Variants in KLHL18 observed in about 807,000 individuals in gnomAD.
KLHL18 encodes the protein kelch-like protein 18.
Under a neutral mutation model 58.5 loss-of-function variants are expected in KLHL18, and 38 were observed. The ratio of observed to expected loss-of-function variants is 0.65; its 90% CI spans 0.50 to 0.85. The LOEUF is 0.85. KLHL18 is among the 40% of genes least tolerant of loss of function. The pLI is 0.00. For synonymous variants in KLHL18, 303 were observed against 301.9 expected (o/e 1.00, Z -0.04); for missense variants, 624 against 778.4 (o/e 0.80, Z 2.36).
chr3:47,309,581 C>T (rs1703242536), intron 1 of KLHL18, among the ~76,000 whole-genome samples: 1 of 152,242 alleles, frequency 6.6e-6, no homozygotes, highest in Non-Finnish European at 1.5e-5. Context: ...AGACGCTCCT[C>T]ACTTCCCAGA....
At chr3:47,315,518 G>T (rs1442488366) in intron 1 of KLHL18, among the ~76,000 whole-genome samples, 1 of 152,196 alleles carries the variant, frequency 6.6e-6, no homozygotes, top group South Asian at 2.1e-4. Context: ...CAGAATATCT[G>T]TAGGCCGACA....
chr3:47,319,706 G>T lies in KLHL18; in HGVS notation c.183G>T (p.Pro61=), dbSNP rs778874814. The change falls in exon 2 of 10, where the codon CCG becomes CCT. Residue 61 remains proline, a synonymous_variant. Transcript: ENST00000232766. ...GGATTGTCTTAGCAGCCTCGATCCC[G>T]TATTTCCATGCTATGTTTACAAATG... ...AHRIVLAASI[P]YFHAMFTNDM... 8 of 1,613,848 alleles carry T rather than the reference G, an allele frequency of 5.0e-6. No homozygotes were observed. Among genetic ancestry groups the T allele is most frequent in the Non-Finnish European group, 6.8e-6 (8 of 1,179,906 alleles).
intron 8 of KLHL18, 134 bp from the exon 9 acceptor site, chr3:47,342,581 TGTCA>T: frequency 1.5e-6 from 1 of 667,314 alleles, no homozygotes; most frequent in Non-Finnish European, 2.6e-6. Flanking sequence ...CAGGGAGAAC[TGTCA>T]GAGAGGTGGT....
chr3:47,342,811 G>C lies in KLHL18; in HGVS notation c.1319G>C (p.Gly440Ala). The part of the protein sequence containing the change: ...GRIYVSGGHD[G>A]LQIFSSVEHY... ...ATATATGTGTCAGGCGGCCATGATG[G>C]TTTGCAGATCTTCAGCAGTGTGAGT... Residue 440 changes from glycine to alanine, a missense_variant, in exon 9 of 10, where the codon GGT becomes GCT. Gly to Ala is a moderately conservative substitution (Grantham distance 60). Coordinates refer to ENST00000232766, the MANE Select transcript of KLHL18 (RefSeq NM_025010.5). 6.2e-7 allele frequency: 1 copy of C among 1,613,994 alleles called. No homozygotes were observed. Among genetic ancestry groups the C allele is most frequent in the Non-Finnish European group, 8.5e-7 (1 of 1,179,826 alleles).
At position 47,329,937 on chromosome 3, in the gene KLHL18, T is replaced by C. The variant is rs1023911685; in HGVS notation, c.402-14T>C. 2 of 1,612,046 alleles carry C rather than the reference T, an allele frequency of 1.2e-6. No individual in the cohort carries two copies. Among genetic ancestry groups the C allele is most frequent in the South Asian group, 2.2e-5 (2 of 90,930 alleles). ...TTCTTCCTCTAATTTTTTTTTTCTT[T>C]CCTTATGCCAAAGGCTTCACCCAAA... On this transcript the variant is annotated splice_polypyrimidine_tract_variant and intron_variant, in intron 3 of 9. Coordinates refer to ENST00000232766, the MANE Select transcript of KLHL18 (RefSeq NM_025010.5).
intron 1 of KLHL18, among the ~76,000 whole-genome samples, chr3:47,291,021 T>C (rs934535408): frequency 6.6e-6 from 1 of 152,144 alleles, no homozygotes; most frequent in Non-Finnish European, 1.5e-5. Flanking sequence ...ACATTCATCA[T>C]GTTCACCCTA....
intron 1 of KLHL18, among the ~76,000 whole-genome samples, chr3:47,290,939 G>T (rs1027083461): frequency 1.3e-5 from 2 of 152,224 alleles, no homozygotes; most frequent in African/African-American, 4.8e-5. Flanking sequence ...TAGAGAGCTT[G>T]ATGCTGCCTG....
At chr3:47,315,226 G>T (rs1703392191) in intron 1 of KLHL18, among the ~76,000 whole-genome samples, 1 of 152,162 alleles carries the variant, frequency 6.6e-6, no homozygotes, top group Admixed American at 6.6e-5. Flanking sequence ...AGGATTTCTA[G>T]TGTAGAACCC....
chr3:47,336,614 C>T lies in KLHL18; in HGVS notation c.978C>T (p.Arg326=). 1 of 1,614,272 alleles carries T rather than the reference C, an allele frequency of 6.2e-7. No homozygotes were observed. The highest frequency in any genetic ancestry group is 8.5e-7 in the Non-Finnish European group (1 of 1,180,044). ...WERCRPMTTA[R]SRVGVAVVNG... ...GATGCCGTCCCATGACAACAGCCCG[C>T]AGCCGCGTTGGCGTGGCTGTGGTGA... The change falls in exon 7 of 10, where the codon CGC becomes CGT. Residue 326 remains arginine, a synonymous_variant. Coordinates refer to ENST00000232766, the MANE Select transcript of KLHL18 (RefSeq NM_025010.5).
chr3:47,289,335 T>G (rs1702742192), intron 1 of KLHL18, among the ~76,000 whole-genome samples: 1 of 152,200 alleles, frequency 6.6e-6, no homozygotes, highest in Non-Finnish European at 1.5e-5. Flanking sequence ...AATTTAGCCC[T>G]CAGAAGGAAA....
At chr3:47,320,857 G>A (rs1232509727) in intron 2 of KLHL18, among the ~76,000 whole-genome samples, 3 of 152,158 alleles carry the variant, frequency 2.0e-5, no homozygotes, top group African/African-American at 7.2e-5. Flanking sequence ...AGGCTGCCGC[G>A]AGCTGTGATC....
intron 3 of KLHL18, among the ~76,000 whole-genome samples, chr3:47,324,483 G>C (rs1045085368): frequency 2.6e-5 from 4 of 151,096 alleles, no homozygotes; most frequent in African/African-American, 9.7e-5. Context: ...GATTGTCACT[G>C]TCAACACTGG....
chr3:47,294,514 A>G (rs1348454203), intron 1 of KLHL18, among the ~76,000 whole-genome samples: 2 of 152,212 alleles, frequency 1.3e-5, no homozygotes, highest in Non-Finnish European at 2.9e-5. Context: ...ATCTGAAGGC[A>G]GAGGGAACAG....
intron 1 of KLHL18, among the ~76,000 whole-genome samples, chr3:47,299,951 T>G (rs1475908057): frequency 6.7e-6 from 1 of 149,056 alleles, no homozygotes; most frequent in Non-Finnish European, 1.5e-5. Flanking sequence ...TATCTGAATC[T>G]CCAGCCTGCT....
intron 1 of KLHL18, among the ~76,000 whole-genome samples, chr3:47,289,874 CTG>C (rs2107576365): frequency 6.6e-6 from 1 of 152,216 alleles, no homozygotes; most frequent in African/African-American, 2.4e-5. Context: ...TGAATGGAGA[CTG>C]GAGTGGGATG....
At chr3:47,298,504 T>C (rs1422820743) in intron 1 of KLHL18, among the ~76,000 whole-genome samples, 1 of 152,082 alleles carries the variant, frequency 6.6e-6, no homozygotes, top group Non-Finnish European at 1.5e-5. Context: ...ATTCGACAAA[T>C]ACTGAATATT....
At chr3:47,328,613 A>T (rs1320000547) in intron 3 of KLHL18, among the ~76,000 whole-genome samples, 1 of 152,118 alleles carries the variant, frequency 6.6e-6, no homozygotes, top group Non-Finnish European at 1.5e-5. Context: ...GGGAATGTGC[A>T]CAAGAGTCCT....
At chr3:47,342,915 A>G in intron 9 of KLHL18, 85 bp downstream of exon 9, 1 of 1,040,016 alleles carries the variant, frequency 9.6e-7, no homozygotes, top group Non-Finnish European at 1.5e-6. Context: ...AAAAAACTTC[A>G]GCCTTGCCAC....
intron 4 of KLHL18, 27 bp from the exon 5 acceptor site, chr3:47,333,130 C>T (rs775294094): frequency 1.2e-6 from 2 of 1,603,270 alleles, no homozygotes; most frequent in Admixed American, 1.7e-5. Context: ...GGAGGATTTG[C>T]TGCCAGAACA....
Sources: allele counts gnomAD v4.1 joint callset (sites outside exome capture counted in the v4.1 genomes callset), GRCh38; gene constraint gnomAD v4.1.1; transcripts MANE v1.5; gene names NCBI Gene and HGNC (gene_info 2026-07-23, HGNC 2026-07-21).